The following SENP7 variants were observed in gnomAD, a reference collection of about 807,000 sequenced individuals.
SENP7 encodes sentrin-specific protease 7.
SENP7 carries 64 observed loss-of-function variants against 141.2 expected under a neutral mutation model. The observed-to-expected ratio is 0.45, with a 90% CI of 0.37 to 0.56. The LOEUF (loss-of-function observed/expected upper bound fraction) is 0.56, where lower values mean the gene tolerates loss of function less well. Ranked by LOEUF, SENP7 falls within the 20% of genes least tolerant of loss-of-function variation. The probability of loss-of-function intolerance (pLI) is 0.00; values close to 1 mark genes in which losing one functional copy is unlikely to be tolerated. For missense variants in SENP7, 1,025 were observed against 1,212.2 expected (o/e 0.85, Z 2.29); for synonymous variants, 382 against 426.4 (o/e 0.90, Z 1.28).
At chr3:101,337,428 T>A in intron 17 of SENP7, 81 bp downstream of exon 17, 3 of 1,021,066 alleles carry the variant, frequency 2.9e-6, no homozygotes, top group Non-Finnish European at 4.2e-6. Flanking sequence ...GAGGAAATAC[T>A]ATAAAGAAGC....
chr3:101,457,766 G>A (rs2063404482), intron 4 of SENP7: 1 of 708,320 alleles, frequency 1.4e-6, no homozygotes, highest in Admixed American at 2.5e-5. Context: ...CAGAGAACTA[G>A]GGTTGGTGCT....
intron 20 of SENP7, among the ~76,000 whole-genome samples, chr3:101,329,473 T>C (rs2058988363): frequency 6.6e-6 from 1 of 152,000 alleles, no homozygotes; most frequent in Admixed American, 6.6e-5. Context: ...AGTCTGCTGC[T>C]ATTTGTACAT....
intron 6 of SENP7, among the ~76,000 whole-genome samples, chr3:101,383,228 C>G (rs572255209): frequency 3.0e-4 from 46 of 152,274 alleles, no homozygotes; most frequent in African/African-American, 1.1e-3. Context: ...GCAGCCTCCC[C>G]ACTCTTTCTC....
intron 9 of SENP7, among the ~76,000 whole-genome samples, chr3:101,365,624 G>C (rs1431378687): frequency 8.9e-6 from 1 of 112,108 alleles, no homozygotes; most frequent in Non-Finnish European, 1.7e-5. Context: ...GACAGAGAGA[G>C]ACTCTGTCTC....
chr3:101,412,704 A>AAGAT (rs1365640511), intron 5 of SENP7, among the ~76,000 whole-genome samples: 1 of 152,094 alleles, frequency 6.6e-6, no homozygotes, highest in Non-Finnish European at 1.5e-5. Context: ...AAGCAGAAGA[A>AAGAT]AGATAGTTTA....
chr3:101,386,729 T>C (rs2060662944), intron 6 of SENP7, among the ~76,000 whole-genome samples: 1 of 151,914 alleles, frequency 6.6e-6, no homozygotes, highest in Non-Finnish European at 1.5e-5. Flanking sequence ...ACAAAAGGAG[T>C]CAAAGCATGT....
At chr3:101,356,726 G>GA (rs991159463) in intron 11 of SENP7, among the ~76,000 whole-genome samples, 62 of 145,802 alleles carry the variant, frequency 4.3e-4, no homozygotes, top group East Asian at 1.4e-3. Flanking sequence ...AGTAATTTTT[G>GA]AAAAAAAAAA....
chr3:101,414,760 T>TA, intron 5 of SENP7: 1 of 595,582 alleles, frequency 1.7e-6, no homozygotes, highest in East Asian at 2.8e-5. Context: ...GTGTAATGCA[T>TA]ATGTCACTTG....
Position 101,414,468 on chromosome 3 carries a change from G to A in SENP7, c.482+3125C>T, listed in dbSNP as rs530174139. ...AGGACCACCTGGCCCAGTGTACCAC[G>A]CAATGCAACAACAAAGCCAAAGATT... On this transcript the variant is annotated intron_variant, in intron 5 of 23. Transcript: ENST00000394095. 39 of 1,442,532 alleles carry A rather than the reference G, an allele frequency of 2.7e-5. No homozygotes were observed. The African/African-American group carries it at 3.8e-4, about 14-fold the overall frequency. The allele number at this position is 1,442,532 out of a possible 1,614,324, so 89.4% of individuals were successfully genotyped here. A position where few individuals can be genotyped will look rare whatever the true frequency, so the allele number is the denominator to read the frequency against.
intron 1 of SENP7, among the ~76,000 whole-genome samples, chr3:101,502,949 C>T (rs879943921): frequency 6.7e-6 from 1 of 149,852 alleles, no homozygotes; most frequent in Admixed American, 6.6e-5. Context: ...AACTTCTGTT[C>T]ATCAAAAATC....
intron 5 of SENP7, among the ~76,000 whole-genome samples, chr3:101,415,201 G>A (rs186108915): frequency 2.0e-5 from 3 of 152,272 alleles, no homozygotes; most frequent in East Asian, 3.9e-4. Flanking sequence ...GAATTGGGAG[G>A]GAGACTAGTT....
In SENP7 at chr3:101,493,795, A is replaced by G. The variant is rs184047564; in HGVS notation, c.186+78T>C. ...CAAAAAAGGGACATATCAGAAAATA[A>G]ACATTCAGTTTTATTACAATATTTT... On this transcript the variant is annotated intron_variant, in intron 3 of 23. Transcript: ENST00000394095. The G allele has an allele frequency of 7.0e-6, 6 of 851,870 alleles. No individual in the cohort carries two copies. In the Admixed American group the frequency reaches 1.5e-4, roughly 22 times the overall value. The allele number at this position is 851,870 out of a possible 1,614,324, so 52.8% of individuals were successfully genotyped here.
chr3:101,430,608 A>G (rs969411494), intron 4 of SENP7, among the ~76,000 whole-genome samples: 1 of 151,566 alleles, frequency 6.6e-6, no homozygotes, highest in African/African-American at 2.4e-5. Context: ...CTATTGGTTT[A>G]TCTATTTTGT....
rs573341423 is a variant in SENP7, at chr3:101,401,043, A to G, written c.483-1988T>C. Among the ~76,000 whole-genome samples, 15 of 151,646 alleles carry G rather than the reference A, an allele frequency of 9.9e-5. No homozygotes were observed. The East Asian group carries it at 2.5e-3, about 26-fold the overall frequency. On this transcript the variant is annotated intron_variant, in intron 5 of 23. Transcript: ENST00000394095. ...ACCCCAGGAGTTCAAGGCTGCAGAG[A>G]GCTAGGATTGCGCCACCTCTGTTTG...
intron 4 of SENP7, among the ~76,000 whole-genome samples, chr3:101,447,493 A>G (rs1488530513): frequency 3.9e-5 from 6 of 152,210 alleles, no homozygotes; most frequent in African/African-American, 1.4e-4. Context: ...TCCATTCATA[A>G]TAGCTTCAGA....
chr3:101,491,119 T>A (rs1006315183), intron 3 of SENP7, among the ~76,000 whole-genome samples: 6 of 142,730 alleles, frequency 4.2e-5, no homozygotes, highest in African/African-American at 1.5e-4. Context: ...ATTTGCTTCA[T>A]TTTATACTTT....
At chr3:101,463,370 T>TATATATATATATATATATAC (rs2063623499) in intron 3 of SENP7, among the ~76,000 whole-genome samples, 1 of 83,670 alleles carries the variant, frequency 1.2e-5, no homozygotes, top group Admixed American at 1.3e-4. Context: ...AATAAATATA[T>TATATATATATATATATATAC]ATATATATAT....
rs1427576186 is a variant in SENP7 at position 101,493,863 on chromosome 3, T to A, written c.186+10A>T. ...CTGTATACTTAAAATAAATTAATTT[T>A]ATTTACCACCTGCAAAGGGAGAGTC... On this transcript the variant is annotated intron_variant, in intron 3 of 23. Transcript: ENST00000394095. 1 of 1,500,732 alleles carries A rather than the reference T, an allele frequency of 6.7e-7. No homozygotes were observed. Among genetic ancestry groups the A allele is most frequent in the East Asian group, 2.3e-5 (1 of 44,196 alleles). The allele number at this position is 1,500,732 out of a possible 1,614,324, so 93.0% of individuals were successfully genotyped here.
chr3:101,387,813 C>T (rs974751903), intron 6 of SENP7, among the ~76,000 whole-genome samples: 1 of 152,218 alleles, frequency 6.6e-6, no homozygotes, highest in Admixed American at 6.5e-5. Flanking sequence ...AGGACAAGTC[C>T]ATCTTACCCA....
Sources: allele counts gnomAD v4.1 joint callset (sites outside exome capture counted in the v4.1 genomes callset), GRCh38; gene constraint gnomAD v4.1.1; transcripts MANE v1.5; gene names NCBI Gene and HGNC (gene_info 2026-07-23, HGNC 2026-07-21).